The following C6orf52 variants were observed in gnomAD, a reference collection of about 807,000 sequenced individuals.
C6orf52 encodes chromosome 6 open reading frame 52, also known as putative uncharacterized protein C6orf52.
Under a neutral mutation model 16.6 loss-of-function variants are expected in C6orf52, and 16 were observed. The observed-to-expected ratio is 0.96, with a 90% confidence interval of 0.65 to 1.46. C6orf52 has a LOEUF of 1.46. Among genes scored for constraint, C6orf52 ranks in the 40% most tolerant of loss-of-function variants. The pLI is 0.00. For missense variants in C6orf52, 166 were observed against 182.3 expected (o/e 0.91, Z 0.52); for synonymous variants, 53 against 61.4 (o/e 0.86, Z 0.64).
intron 4 of C6orf52, among the ~76,000 whole-genome samples, chr6:10,674,481 A>G (rs895226794): frequency 6.6e-6 from 1 of 152,184 alleles, no homozygotes; most frequent in African/African-American, 2.4e-5. Context: ...TTTCAAACTG[A>G]CAGAGAAAAC....
intron 4 of C6orf52, among the ~76,000 whole-genome samples, chr6:10,676,704 G>A (rs1320624925): frequency 3.9e-5 from 6 of 152,160 alleles, no homozygotes; most frequent in Non-Finnish European, 7.3e-5. Context: ...ATCAGACACC[G>A]CCTCCTCAAG....
intron 3 of C6orf52, chr6:10,684,847 A>T: frequency 7.8e-6 from 10 of 1,289,102 alleles, no homozygotes; most frequent in Non-Finnish European, 1.0e-5. Context: ...ACAGAGGCTT[A>T]CCATCTTTAA....
At position 10,694,608 on chromosome 6, in the gene C6orf52, C is replaced by T; in HGVS notation, c.-126G>A. The T allele has an allele frequency of 1.7e-4, 30 of 178,080 alleles. No homozygotes were observed. Among genetic ancestry groups the T allele is most frequent in the South Asian group, 6.5e-4 (6 of 9,278 alleles). The allele number at this position is 178,080 out of a possible 1,614,324, so 11.0% of individuals were successfully genotyped here. Reference sequence around the variant, plus strand: ...GGCGCTACAGCCCCTAAGCAACCGGCCGGAAGTCGGCCCCACCTCCTCCTG... The same window carrying T: ...GGCGCTACAGCCCCTAAGCAACCGGTCGGAAGTCGGCCCCACCTCCTCCTG... On this transcript the variant is annotated 5_prime_UTR_variant, in exon 1 of 5. Coordinates refer to ENST00000259983, the MANE Select transcript of C6orf52 (RefSeq NM_001145020.3).
intron 1 of C6orf52, among the ~76,000 whole-genome samples, chr6:10,687,888 CGACAATGAAGGATAG>C (rs1262617852): frequency 6.6e-6 from 1 of 151,916 alleles, no homozygotes; most frequent in Non-Finnish European, 1.5e-5. Flanking sequence ...GTATGTTGGT[CGACAATGAAGGATAG>C]TCTCCACTCC....
rs910408226 is a variant in C6orf52, at chr6:10,683,175, G to C, written c.316+12C>G. The C allele has an allele frequency of 3.3e-6, 5 of 1,532,510 alleles. No homozygotes were observed. The highest frequency in any genetic ancestry group is 4.4e-6 in the Non-Finnish European group (5 of 1,134,914). The allele number at this position is 1,532,510 out of a possible 1,614,324, so 94.9% of individuals were successfully genotyped here. On this transcript the variant is annotated intron_variant, in intron 4 of 4. Transcript: ENST00000259983. ...TTTGTTTCCAACCACTTCAGCACAA[G>C]GTTTATGTTACCTTCTAGTGGGTCT...
intron 3 of C6orf52, among the ~76,000 whole-genome samples, chr6:10,685,248 A>G (rs887918178): frequency 1.8e-5 from 2 of 110,282 alleles, no homozygotes; most frequent in Non-Finnish European, 3.1e-5. Context: ...GGGGCAAAAG[A>G]AAAAAAAAAA....
At chr6:10,672,975 G>A (rs1767561951) in intron 4 of C6orf52, among the ~76,000 whole-genome samples, 1 of 152,148 alleles carries the variant, frequency 6.6e-6, no homozygotes, top group African/African-American at 2.4e-5. Flanking sequence ...AATTCCATGA[G>A]CTACTTCTCA....
At chr6:10,682,988 G>A (rs574320311) in intron 4 of C6orf52, among the ~76,000 whole-genome samples, 199 bp downstream of exon 4, 1 of 152,338 alleles carries the variant, frequency 6.6e-6, no homozygotes, top group Non-Finnish European at 1.5e-5. Flanking sequence ...CCTTCAGAAA[G>A]GCCCAAAGAG....
At chr6:10,676,570 AGCGGACAAGATG>A (rs888574610) in intron 4 of C6orf52, among the ~76,000 whole-genome samples, 8 of 152,198 alleles carry the variant, frequency 5.3e-5, no homozygotes, top group African/African-American at 1.9e-4. Context: ...TGCAGTAAGG[AGCGGACAAGATG>A]GCGGACAAGT....
At chr6:10,672,655 ATTT>A (rs926309630) in intron 4 of C6orf52, 10 of 676,612 alleles carry the variant, frequency 1.5e-5, no homozygotes, top group African/African-American at 9.0e-5. Flanking sequence ...TATAAAAATA[ATTT>A]TTTTTAAAAA....
At chr6:10,681,284 G>A (rs1295890706) in intron 4 of C6orf52, among the ~76,000 whole-genome samples, 1 of 151,980 alleles carries the variant, frequency 6.6e-6, no homozygotes. Context: ...ATGTTCCTTT[G>A]TATTTCTGTG....
intron 3 of C6orf52, among the ~76,000 whole-genome samples, chr6:10,686,064 T>C (rs1413654373): frequency 1.3e-5 from 2 of 152,170 alleles, no homozygotes; most frequent in African/African-American, 4.8e-5. Context: ...CTGCGCTCGC[T>C]CTGTTGCTCA....
chr6:10,684,637 T>C (rs568478798), intron 3 of C6orf52, among the ~76,000 whole-genome samples: 1 of 152,314 alleles, frequency 6.6e-6, no homozygotes, highest in East Asian at 1.9e-4. Flanking sequence ...GAGAATCATT[T>C]TGGAGACATC....
At chr6:10,693,473 C>T (rs9461046) in intron 1 of C6orf52, among the ~76,000 whole-genome samples, 5,553 of 152,294 alleles carry the variant, frequency 0.036, 328 homozygotes, top group African/African-American at 0.12. Flanking sequence ...CCAAACTAGC[C>T]TCTATTAACA....
intron 3 of C6orf52, among the ~76,000 whole-genome samples, chr6:10,686,482 T>C (rs1329225988): frequency 1.3e-5 from 2 of 152,210 alleles, no homozygotes; most frequent in African/African-American, 4.8e-5. Flanking sequence ...TTGAGAAATA[T>C]GTCACTTTAG....
intron 4 of C6orf52, among the ~76,000 whole-genome samples, chr6:10,682,939 T>C (rs1489025413): frequency 2.0e-5 from 3 of 152,222 alleles, no homozygotes; most frequent in African/African-American, 7.2e-5. Flanking sequence ...GAACAATGTA[T>C]TGTCTTCTTA....
At chr6:10,679,824 C>T (rs931353925) in intron 4 of C6orf52, among the ~76,000 whole-genome samples, 4 of 152,112 alleles carry the variant, frequency 2.6e-5, no homozygotes, top group African/African-American at 7.2e-5. Context: ...AGATTTTCCC[C>T]GTTCAGTGCA....
chr6:10,686,365 T>C (rs188813907), intron 3 of C6orf52, among the ~76,000 whole-genome samples: 29 of 152,088 alleles, frequency 1.9e-4, no homozygotes, highest in Non-Finnish European at 3.1e-4. Context: ...CTAGAAGACA[T>C]AGATCCACTC....
rs183263593 is a variant in C6orf52 at position 10,684,950 on chromosome 6, A to G, written c.271-1718T>C. The stretch of plus-strand genomic sequence containing the variant: ...TACAGCCACAAAAGATAACATATTT[A>G]TATAATTCTTGTATGAAAAATGCAT... On this transcript the variant is annotated intron_variant, in intron 3 of 4. Coordinates refer to ENST00000259983, the MANE Select transcript of C6orf52 (RefSeq NM_001145020.3). The G allele has an allele frequency of 2.8e-5, 34 of 1,212,326 alleles. 2 individuals are homozygous for G. The East Asian group carries it at 1.9e-3, about 69-fold the overall frequency. The allele number at this position is 1,212,326 out of a possible 1,614,324, so 75.1% of individuals were successfully genotyped here. A position where few individuals can be genotyped will look rare whatever the true frequency, so the allele number is the denominator to read the frequency against.
Sources: gnomAD v4.1 joint callset for allele counts (sites outside exome capture counted in the v4.1 genomes callset) on GRCh38, gnomAD v4.1.1 for gene constraint, MANE v1.5 for transcripts, NCBI Gene and HGNC (gene_info 2026-07-23, HGNC 2026-07-21) for gene names.